Variants in CYRIB observed in about 807,000 individuals in gnomAD.
CYRIB encodes CYFIP related Rac1 interactor B.
Under a neutral mutation model 44.2 loss-of-function variants are expected in CYRIB, and 8 were observed. That is an observed-to-expected ratio of 0.18 (90% confidence interval 0.11 to 0.33). CYRIB has a LOEUF of 0.33. Among genes scored for constraint, CYRIB ranks in the 10% least tolerant of loss-of-function variants. CYRIB has a pLI of 1.00. For missense variants in CYRIB, 185 were observed against 382.8 expected (o/e 0.48, Z 4.31); for synonymous variants, 131 against 127.2 (o/e 1.03, Z -0.20).
At chr8:129,868,100 TTTAA>T (rs2054854225) in intron 4 of CYRIB, among the ~76,000 whole-genome samples, 1 of 152,224 alleles carries the variant, frequency 6.6e-6, no homozygotes, top group African/African-American at 2.4e-5. Context: ...CTATTAGCAA[TTTAA>T]TTATTGACCT....
At chr8:129,994,293 T>C (rs2096718191) in intron 1 of CYRIB, among the ~76,000 whole-genome samples, 1 of 151,840 alleles carries the variant, frequency 6.6e-6, no homozygotes, top group Admixed American at 6.6e-5. Context: ...TGGAACAGAC[T>C]CTCCCACACA....
chr8:129,881,699 G>C (rs933310006), intron 2 of CYRIB, among the ~76,000 whole-genome samples: 1 of 152,180 alleles, frequency 6.6e-6, no homozygotes. Flanking sequence ...CCCCCAATGG[G>C]GGAGGTGGAG....
intron 1 of CYRIB, among the ~76,000 whole-genome samples, chr8:129,992,097 G>A (rs2133388434): frequency 6.6e-6 from 1 of 151,942 alleles, no homozygotes; most frequent in African/African-American, 2.4e-5. Context: ...GAGGCATGCA[G>A]AGTGCTTAAG....
intron 2 of CYRIB, among the ~76,000 whole-genome samples, chr8:129,953,792 A>C (rs1169177053): frequency 6.6e-6 from 1 of 152,196 alleles, no homozygotes; most frequent in African/African-American, 2.4e-5. Flanking sequence ...TAAGCAAGAC[A>C]AGGAGGTAAG....
At chr8:129,948,494 C>G (rs768840183) in intron 2 of CYRIB, 1 of 152,216 alleles carries the variant, frequency 6.6e-6, no homozygotes, top group South Asian at 2.1e-4. Flanking sequence ...TTCAGCAGCA[C>G]GAAGGACTGC....
intron 5 of CYRIB, among the ~76,000 whole-genome samples, chr8:129,858,031 C>T (rs1246481600): frequency 6.6e-6 from 1 of 152,160 alleles, no homozygotes; most frequent in African/African-American, 2.4e-5. Context: ...CATGGTAGAT[C>T]TATGTTGAAA....
At chr8:129,933,975 G>T (rs767592539) in intron 1 of CYRIB, among the ~76,000 whole-genome samples, 1 of 152,060 alleles carries the variant, frequency 6.6e-6, no homozygotes, top group South Asian at 2.1e-4. Context: ...GCTAGTGAGG[G>T]TTTTTCCAAT....
intron 5 of CYRIB, among the ~76,000 whole-genome samples, chr8:129,858,767 A>C (rs574585651): frequency 6.6e-6 from 1 of 152,354 alleles, no homozygotes; most frequent in South Asian, 2.1e-4. Context: ...CCCCTAAAGC[A>C]TGAGCAAGAC....
intron 1 of CYRIB, among the ~76,000 whole-genome samples, chr8:129,923,480 G>C (rs2085173401): frequency 6.6e-6 from 1 of 151,802 alleles, no homozygotes; most frequent in African/African-American, 2.4e-5. Context: ...TCACTATGTT[G>C]GCCTGGCTGG....
intron 1 of CYRIB, among the ~76,000 whole-genome samples, chr8:129,926,205 AC>A (rs2087619573): frequency 1.3e-5 from 2 of 152,232 alleles, no homozygotes; most frequent in Admixed American, 6.5e-5. Context: ...ATAAAAATCC[AC>A]AACCTTACCA....
At chr8:129,908,600 C>A (rs1160715198) in intron 1 of CYRIB, among the ~76,000 whole-genome samples, 3 of 152,136 alleles carry the variant, frequency 2.0e-5, no homozygotes, top group Admixed American at 2.0e-4. Flanking sequence ...ATGGTCATTA[C>A]CTTTTGTATT....
At chr8:130,008,921 C>T (rs562253203) in intron 1 of CYRIB, among the ~76,000 whole-genome samples, 1 of 152,338 alleles carries the variant, frequency 6.6e-6, no homozygotes, top group Non-Finnish European at 1.5e-5. Flanking sequence ...GGTGAAGAAA[C>T]TTCCCTTAGT....
chr8:129,985,698 G>A (rs1363468233), intron 1 of CYRIB, among the ~76,000 whole-genome samples: 2 of 152,104 alleles, frequency 1.3e-5, no homozygotes, highest in Non-Finnish European at 2.9e-5. Flanking sequence ...AGGTTGTCTG[G>A]CAGGACCTCA....
chr8:129,892,838 C>A (rs1354325010), intron 2 of CYRIB, among the ~76,000 whole-genome samples: 1 of 152,146 alleles, frequency 6.6e-6, no homozygotes, highest in East Asian at 1.9e-4. Flanking sequence ...GCAAACTGTA[C>A]ACAATATAAT....
At position 129,898,256 on chromosome 8, in the gene CYRIB, A is replaced by C. The variant is rs866843678; in HGVS notation, c.-11+5056T>G. On this transcript the variant is annotated intron_variant, in intron 2 of 11. Transcript: ENST00000519824. ...CGTTAGTGCTAATGTTAAGTTAATA[A>C]ATGAACGTTTATTGTGGCACATACA... Among the ~76,000 whole-genome samples the C allele has an allele frequency of 1.4e-4, 22 of 152,210 alleles. No homozygotes were observed. The South Asian group carries it at 1.7e-3, about 11-fold the overall frequency.
At chr8:129,884,480 G>A (rs557193735) in intron 2 of CYRIB, among the ~76,000 whole-genome samples, 1 of 151,936 alleles carries the variant, frequency 6.6e-6, no homozygotes, top group South Asian at 2.1e-4. Flanking sequence ...TAGAGACAGG[G>A]TTTCTCCATC....
intron 1 of CYRIB, chr8:129,912,387 C>T (rs2078475292): frequency 6.6e-6 from 1 of 152,058 alleles, no homozygotes; most frequent in Non-Finnish European, 1.5e-5. Context: ...CAGTACCACT[C>T]TCTCCACCTC....
intron 2 of CYRIB, among the ~76,000 whole-genome samples, chr8:129,882,263 C>T (rs76284258): frequency 0.017 from 2,581 of 152,254 alleles, 83 homozygotes; most frequent in African/African-American, 0.058. Flanking sequence ...GCTGTTTGAC[C>T]TTAAGGATGG....
intron 2 of CYRIB, among the ~76,000 whole-genome samples, chr8:129,952,557 T>C (rs972475208): frequency 2.6e-5 from 4 of 152,178 alleles, no homozygotes; most frequent in African/African-American, 9.7e-5. Flanking sequence ...TGAAATAATA[T>C]TCTTTTTCAT....
Sources: gnomAD v4.1 joint callset for allele counts (sites outside exome capture counted in the v4.1 genomes callset) on GRCh38, gnomAD v4.1.1 for gene constraint, MANE v1.5 for transcripts, NCBI Gene and HGNC (gene_info 2026-07-23, HGNC 2026-07-21) for gene names.